Variants in ADGRG7 observed in about 807,000 individuals in gnomAD.
ADGRG7 encodes the protein G-protein coupled receptor 128.
Under a neutral mutation model 88.6 loss-of-function variants are expected in ADGRG7, and 82 were observed. The ratio of observed to expected loss-of-function variants is 0.93; its 90% CI spans 0.77 to 1.11. ADGRG7 has a LOEUF of 1.11. ADGRG7 is among the 50% of genes most tolerant of loss of function. The pLI, the probability that ADGRG7 is intolerant of heterozygous loss-of-function variation, is 0.00. For synonymous variants in ADGRG7, 381 were observed against 345.2 expected, an observed-to-expected ratio of 1.10 and a Z score of -1.15; for missense variants, 945 against 953.4, an observed-to-expected ratio of 0.99 and a Z score of 0.12.
chr3:100,671,694 A>G (rs572252816), intron 15 of ADGRG7, among the ~76,000 whole-genome samples: 1 of 152,292 alleles, frequency 6.6e-6, no homozygotes, highest in East Asian at 1.9e-4. Flanking sequence ...TTTAGGTCTT[A>G]CATTTAAGTC....
At chr3:100,659,664 A>C (rs542905861) in intron 13 of ADGRG7, 24 bp from the exon 14 acceptor site, 2 of 1,610,598 alleles carry the variant, frequency 1.2e-6, no homozygotes, top group African/African-American at 2.7e-5. Context: ...AGTCTGCTGA[A>C]GCAATTTTTT....
At chr3:100,635,940 T>C (rs1707533295) in intron 5 of ADGRG7, 114 bp downstream of exon 5, 4 of 781,254 alleles carry the variant, frequency 5.1e-6, no homozygotes, top group Admixed American at 3.0e-5. Flanking sequence ...GGTTTGAGCA[T>C]GGTTTAAGTT....
chr3:100,613,179 C>T (rs980507797), intron 1 of ADGRG7, among the ~76,000 whole-genome samples: 7 of 152,132 alleles, frequency 4.6e-5, no homozygotes, highest in East Asian at 3.9e-4. Flanking sequence ...CGTGAGCCAC[C>T]GCACCTGGCC....
At chr3:100,689,985 C>T (rs2149044119) in intron 15 of ADGRG7, among the ~76,000 whole-genome samples, 1 of 152,298 alleles carries the variant, frequency 6.6e-6, no homozygotes, top group East Asian at 1.9e-4. Context: ...AACTTGGTTC[C>T]TTTCTCCCCG....
intron 15 of ADGRG7, among the ~76,000 whole-genome samples, chr3:100,687,990 G>C (rs1559693613): frequency 6.6e-6 from 1 of 152,110 alleles, no homozygotes; most frequent in Non-Finnish European, 1.5e-5. Context: ...GAATTCGGCT[G>C]TGAATCCATC....
chr3:100,660,782 A>T (rs1264617151), intron 14 of ADGRG7, among the ~76,000 whole-genome samples: 5 of 151,832 alleles, frequency 3.3e-5, no homozygotes, highest in Non-Finnish European at 5.9e-5. Flanking sequence ...GAGAAACCCC[A>T]TCTTTACTAA....
intron 15 of ADGRG7, among the ~76,000 whole-genome samples, chr3:100,675,098 T>C (rs911765321): frequency 7.2e-5 from 11 of 152,234 alleles, no homozygotes; most frequent in African/African-American, 1.9e-4. Context: ...CTTTCTCTTA[T>C]CTAATTGCTC....
At chr3:100,646,778 T>G in intron 10 of ADGRG7, 54 bp downstream of exon 10, 1 of 1,397,650 alleles carries the variant, frequency 7.2e-7, no homozygotes, top group Non-Finnish European at 1.0e-6. Flanking sequence ...TTATACACAA[T>G]TCTAGTAGGT....
chr3:100,629,744 G>C, intron 2 of ADGRG7, 33 bp downstream of exon 2: 1 of 1,375,474 alleles, frequency 7.3e-7, no homozygotes, highest in Non-Finnish European at 1.0e-6. Context: ...AAAGTGTAAG[G>C]TTTACGTCAC....
At chr3:100,637,741 A>C (rs866487694) in intron 6 of ADGRG7, among the ~76,000 whole-genome samples, 1 of 152,236 alleles carries the variant, frequency 6.6e-6, no homozygotes, top group South Asian at 2.1e-4. Context: ...TTTGCAAAAC[A>C]TAGAGCTACA....
chr3:100,635,455 T>G, intron 4 of ADGRG7: 5 of 969,862 alleles, frequency 5.2e-6, no homozygotes, highest in Non-Finnish European at 7.0e-6. Flanking sequence ...CAGCCCCTTA[T>G]AGTTAATCAA....
intron 1 of ADGRG7, among the ~76,000 whole-genome samples, chr3:100,615,255 A>G (rs1369197333): frequency 2.6e-5 from 4 of 152,244 alleles, no homozygotes; most frequent in African/African-American, 9.6e-5. Context: ...CAAGATCATA[A>G]TTCTAAAACT....
At chr3:100,666,325 G>A (rs1318206737) in intron 14 of ADGRG7, among the ~76,000 whole-genome samples, 2 of 152,158 alleles carry the variant, frequency 1.3e-5, no homozygotes, top group Admixed American at 6.5e-5. Flanking sequence ...TTGATCATTC[G>A]TGGGTGTTTC....
chr3:100,668,782 CA>C, intron 14 of ADGRG7, among the ~76,000 whole-genome samples, 166 bp from the exon 15 acceptor site: 1 of 152,240 alleles, frequency 6.6e-6, no homozygotes, highest in East Asian at 1.9e-4. Flanking sequence ...AGATTTTCTC[CA>C]GAGTGATGTA....
Position 100,652,998 on chromosome 3 carries a change from C to G in ADGRG7, c.1380-1837C>G, listed in dbSNP as rs146219866. ...AGGGATAGTCCTTCGGAATGATTTA[C>G]ATTCAAAATGTGGTTCAGGACATCT... On this transcript the variant is annotated intron_variant, in intron 11 of 15. Transcript: ENST00000273352. Among the ~76,000 whole-genome samples, 528 of 152,320 alleles carry G rather than the reference C, an allele frequency of 3.5e-3. 5 individuals are homozygous for G. The highest frequency in any genetic ancestry group is 5.1e-3 in the Non-Finnish European group (349 of 68,028).
intron 15 of ADGRG7, among the ~76,000 whole-genome samples, chr3:100,686,693 T>C (rs4928077): frequency 1 from 151,581 of 152,294 alleles, 75,437 homozygotes; most frequent in Middle Eastern, 1. Flanking sequence ...TGTAGATATG[T>C]GGCATTATTT....
At chr3:100,652,536 A>T (rs1259407462) in intron 11 of ADGRG7, among the ~76,000 whole-genome samples, 1 of 152,208 alleles carries the variant, frequency 6.6e-6, no homozygotes, top group Non-Finnish European at 1.5e-5. Flanking sequence ...TGTCTGCCAT[A>T]GTGTACATGA....
At chr3:100,666,932 A>T (rs1282709828) in intron 14 of ADGRG7, among the ~76,000 whole-genome samples, 1 of 152,166 alleles carries the variant, frequency 6.6e-6, no homozygotes, top group Non-Finnish European at 1.5e-5. Context: ...CCTGAGTTTG[A>T]CGCAGCACAT....
intron 8 of ADGRG7, 79 bp downstream of exon 8, chr3:100,643,712 AAAT>A (rs1707687804): frequency 1.1e-6 from 1 of 913,844 alleles, no homozygotes; most frequent in African/African-American, 1.7e-5. Context: ...ACTCTAGGAG[AAAT>A]AATGTCTACT....
Sources: allele counts gnomAD v4.1 joint callset (sites outside exome capture counted in the v4.1 genomes callset), GRCh38; gene constraint gnomAD v4.1.1; transcripts MANE v1.5; gene names NCBI Gene and HGNC (gene_info 2026-07-23, HGNC 2026-07-21).